Variants in NRXN3 observed in about 807,000 individuals in gnomAD.
NRXN3 encodes the protein neurexin 3, also known as neurexin III.
Under a neutral mutation model 137.6 loss-of-function variants are expected in NRXN3, and 32 were observed. The observed-to-expected ratio is 0.23, with a 90% CI of 0.18 to 0.31. NRXN3 has a LOEUF of 0.31. Among genes scored for constraint, NRXN3 ranks in the 10% least tolerant of loss-of-function variants. NRXN3 has a pLI of 1.00. For missense variants in NRXN3, 1,574 were observed against 2,062.5 expected (o/e 0.76, Z 4.59); for synonymous variants, 798 against 784.5 (o/e 1.02, Z -0.29).
chr14:79,512,150 C>T (rs373834777), intron 16 of NRXN3, among the ~76,000 whole-genome samples: 144 of 152,266 alleles, frequency 9.5e-4, no homozygotes, highest in African/African-American at 3.2e-3. Flanking sequence ...CTGCCTGACT[C>T]GGCCTCCCAA....
At chr14:79,064,857 GT>G (rs1406719826) in intron 15 of NRXN3, among the ~76,000 whole-genome samples, 4 of 149,198 alleles carry the variant, frequency 2.7e-5, no homozygotes, top group African/African-American at 9.8e-5. Context: ...ACACCTTTAG[GT>G]GTAATTAGAG....
At chr14:78,273,685 T>G (rs1406164539) in intron 2 of NRXN3, among the ~76,000 whole-genome samples, 1 of 152,158 alleles carries the variant, frequency 6.6e-6, no homozygotes, top group Non-Finnish European at 1.5e-5. Context: ...TGTGTATACA[T>G]ATGTGTGTAT....
intron 16 of NRXN3, among the ~76,000 whole-genome samples, chr14:79,556,866 G>T (rs543399429): frequency 2.0e-5 from 3 of 152,288 alleles, no homozygotes; most frequent in Admixed American, 6.5e-5. Context: ...AACTAGCCAT[G>T]TCTTTTGGTC....
At chr14:78,264,758 T>C (rs1331513578) in intron 2 of NRXN3, among the ~76,000 whole-genome samples, 2 of 152,232 alleles carry the variant, frequency 1.3e-5, no homozygotes, top group African/African-American at 4.8e-5. Flanking sequence ...GGCCTTAGAT[T>C]TATCAGGGGA....
intron 4 of NRXN3, among the ~76,000 whole-genome samples, chr14:78,329,994 T>C (rs1490777693): frequency 1.3e-5 from 2 of 152,182 alleles, no homozygotes; most frequent in Non-Finnish European, 2.9e-5. Flanking sequence ...AAACAGCAGA[T>C]GCTCCCAGGG....
intron 15 of NRXN3, among the ~76,000 whole-genome samples, chr14:79,081,711 A>G (rs2047052688): frequency 6.6e-6 from 1 of 152,120 alleles, no homozygotes; most frequent in Admixed American, 6.5e-5. Context: ...CGGTACAAAA[A>G]TGCTCTTATA....
intron 15 of NRXN3, among the ~76,000 whole-genome samples, chr14:79,094,591 G>A (rs2049886592): frequency 6.6e-6 from 1 of 152,014 alleles, no homozygotes; most frequent in African/African-American, 2.4e-5. Context: ...CAGTTCTAAG[G>A]GATTAGTATC....
At chr14:79,449,119 T>C (rs148999504) in intron 15 of NRXN3, among the ~76,000 whole-genome samples, 30 of 152,236 alleles carry the variant, frequency 2.0e-4, no homozygotes, top group African/African-American at 7.0e-4. Context: ...TGAAAGTATC[T>C]GTCGCAGGGA....
intron 8 of NRXN3, among the ~76,000 whole-genome samples, chr14:78,773,840 T>A (rs996216972): frequency 6.6e-6 from 1 of 152,206 alleles, no homozygotes; most frequent in Non-Finnish European, 1.5e-5. Context: ...TCTCACTCTG[T>A]CACCAGGTTG....
intron 19 of NRXN3, among the ~76,000 whole-genome samples, chr14:79,714,037 T>C (rs1462172176): frequency 6.6e-6 from 1 of 152,180 alleles, no homozygotes; most frequent in Non-Finnish European, 1.5e-5. Context: ...ATAATATATT[T>C]ATTTACTTTA....
intron 15 of NRXN3, among the ~76,000 whole-genome samples, chr14:79,341,540 C>G (rs2092611431): frequency 6.6e-6 from 1 of 152,248 alleles, no homozygotes; most frequent in Non-Finnish European, 1.5e-5. Flanking sequence ...GGGAGACTCA[C>G]AGGCAGCTTA....
At chr14:78,436,163 G>T (rs1338311641) in intron 4 of NRXN3, among the ~76,000 whole-genome samples, 1 of 152,122 alleles carries the variant, frequency 6.6e-6, no homozygotes, top group Admixed American at 6.6e-5. Context: ...GTGGGCAGCA[G>T]GTAGAAGGTG....
intron 8 of NRXN3, among the ~76,000 whole-genome samples, chr14:78,796,930 T>C (rs189265100): frequency 3.9e-5 from 6 of 152,094 alleles, no homozygotes; most frequent in Non-Finnish European, 5.9e-5. Flanking sequence ...ATCTCAAGGG[T>C]GACAGGAGGA....
At chr14:78,513,128 G>T (rs994728417) in intron 4 of NRXN3, among the ~76,000 whole-genome samples, 1 of 152,190 alleles carries the variant, frequency 6.6e-6, no homozygotes, top group Non-Finnish European at 1.5e-5. Flanking sequence ...ACTTGGCAGT[G>T]CAGAAAGCAC....
At chr14:78,530,579 C>T (rs948721391) in intron 4 of NRXN3, among the ~76,000 whole-genome samples, 1 of 152,140 alleles carries the variant, frequency 6.6e-6, no homozygotes, top group African/African-American at 2.4e-5. Context: ...GTCTTTTATG[C>T]TAGGTATGGC....
At chr14:79,539,095 T>C (rs1043889440) in intron 16 of NRXN3, among the ~76,000 whole-genome samples, 4 of 152,208 alleles carry the variant, frequency 2.6e-5, no homozygotes, top group African/African-American at 9.6e-5. Flanking sequence ...AGTCTTGCTC[T>C]GTCACCCAGC....
At chr14:78,524,878 GAC>G (rs1463900719) in intron 4 of NRXN3, among the ~76,000 whole-genome samples, 9 of 152,144 alleles carry the variant, frequency 5.9e-5, no homozygotes, top group African/African-American at 2.2e-4. Flanking sequence ...CATGAAAAAG[GAC>G]AGAGGGAAGC....
chr14:79,655,439 A>G (rs917172357), intron 16 of NRXN3, among the ~76,000 whole-genome samples: 3 of 152,236 alleles, frequency 2.0e-5, no homozygotes, highest in Admixed American at 6.5e-5. Context: ...TCAAATATTT[A>G]AAAATTCACA....
intron 4 of NRXN3, among the ~76,000 whole-genome samples, chr14:78,369,254 T>G (rs2153614672): frequency 6.6e-6 from 1 of 151,888 alleles, no homozygotes; most frequent in East Asian, 1.9e-4. Context: ...AAATACCAGA[T>G]GCAGTAGTGC....
Sources: gnomAD v4.1 joint callset for allele counts (sites outside exome capture counted in the v4.1 genomes callset) on GRCh38, gnomAD v4.1.1 for gene constraint, MANE v1.5 for transcripts, NCBI Gene and HGNC (gene_info 2026-07-23, HGNC 2026-07-21) for gene names.